MLXIP: variants seen among roughly 807,000 people sequenced by gnomAD.
The protein encoded by MLXIP is MLX-interacting protein.
In MLXIP, 30 loss-of-function variants were observed where a neutral mutation model predicts 87.2. The observed-to-expected ratio is 0.34, with a 90% CI of 0.26 to 0.47. The LOEUF is 0.47. Ranked by LOEUF, MLXIP falls within the 20% of genes least tolerant of loss-of-function variation. MLXIP has a pLI of 1.00. For missense variants in MLXIP, 1,002 were observed against 1,240.1 expected, an observed-to-expected ratio of 0.81 and a Z score of 2.88; for synonymous variants, 530 against 514.0, an observed-to-expected ratio of 1.03 and a Z score of -0.42.
chr12:122,084,178 G>A (rs1454350027), intron 1 of MLXIP, among the ~76,000 whole-genome samples: 2 of 148,762 alleles, frequency 1.3e-5, no homozygotes, highest in South Asian at 2.1e-4. Context: ...GTGTGTGTGT[G>A]TGTGTGTGTG....
rs1463494454 is a variant in MLXIP at position 122,146,666 on chromosome 12, C to T, written c.*4854C>T. 2 of 152,122 alleles carry T rather than the reference C, an allele frequency of 1.3e-5. No individual in the cohort carries two copies. The highest frequency in any genetic ancestry group is 1.3e-4 in the Admixed American group (2 of 15,264). 9.4% of individuals were successfully genotyped at this position (152,122 alleles called of 1,614,324 possible). A position where few individuals can be genotyped will look rare whatever the true frequency, so the allele number is the denominator to read the frequency against. ...CACGCGCGCGTGTGCGTGTTGACTTCATGGAATTTTGTTTTGTGAAATTCC... is the reference window on the plus strand; with the variant it reads ...CACGCGCGCGTGTGCGTGTTGACTTTATGGAATTTTGTTTTGTGAAATTCC... On this transcript the variant is annotated 3_prime_UTR_variant, in exon 17 of 17. Coordinates refer to ENST00000319080, the MANE Select transcript of MLXIP (RefSeq NM_014938.6).
At chr12:122,104,073 GT>G (rs1952482073) in intron 1 of MLXIP, among the ~76,000 whole-genome samples, 1 of 152,196 alleles carries the variant, frequency 6.6e-6, no homozygotes, top group Admixed American at 6.5e-5. Context: ...AGTCCCACTA[GT>G]GTTATTTAAG....
intron 1 of MLXIP, among the ~76,000 whole-genome samples, chr12:122,097,811 GTC>G (rs2135920761): frequency 6.6e-6 from 1 of 151,456 alleles, no homozygotes; most frequent in East Asian, 2.0e-4. Flanking sequence ...TATTGGGCCA[GTC>G]TCTGTTTCCC....
intron 1 of MLXIP, among the ~76,000 whole-genome samples, chr12:122,092,690 T>C (rs1037268695): frequency 5.3e-4 from 80 of 152,168 alleles, no homozygotes; most frequent in Non-Finnish European, 8.8e-4. Flanking sequence ...ACCACCATAC[T>C]TGACTAAGGT....
At chr12:122,104,482 A>C (rs904383788) in intron 1 of MLXIP, among the ~76,000 whole-genome samples, 1 of 151,708 alleles carries the variant, frequency 6.6e-6, no homozygotes, top group Non-Finnish European at 1.5e-5. Flanking sequence ...TGTCGTATAG[A>C]TATAGCAGTG....
intron 7 of MLXIP, 55 bp downstream of exon 7, chr12:122,130,988 C>A: frequency 8.6e-7 from 1 of 1,160,082 alleles, no homozygotes; most frequent in Non-Finnish European, 1.3e-6. Flanking sequence ...CAGCCCAGCA[C>A]AGAGCAGATC....
rs544820231 is a variant in MLXIP, at chr12:122,135,422, G to A, written c.1855-67G>A. ...CTGATCTTGGGCGGCCCTCACCTGA[G>A]ACGACTGGTGTGCCGCCCTGCTGTA... On this transcript the variant is annotated intron_variant, in intron 10 of 16. Coordinates refer to ENST00000319080, the MANE Select transcript of MLXIP (RefSeq NM_014938.6). This position sits in a 1 kb window ranked among gnomAD's most constrained non-coding sequence, Gnocchi z 5.3. The A allele has an allele frequency of 6.2e-7, 1 of 1,602,302 alleles. No homozygotes were observed. Among genetic ancestry groups the A allele is most frequent in the Non-Finnish European group, 8.5e-7 (1 of 1,174,016 alleles).
At position 122,147,205 on chromosome 12, in the gene MLXIP, T is replaced by C. The variant is rs709284; in HGVS notation, c.*5393T>C. ...TGGTTTGGCCAGAGGCCCCCTCCGG[T>C]CCACGTCACCCTGAGTACACCCCTC... On this transcript the variant is annotated 3_prime_UTR_variant, in exon 17 of 17. Coordinates refer to ENST00000319080, the MANE Select transcript of MLXIP (RefSeq NM_014938.6). 70,471 of 151,958 alleles carry C rather than the reference T, an allele frequency of 0.46. 16,985 individuals carry two copies. Among genetic ancestry groups the C allele is most frequent in the African/African-American group, 0.59 (24,519 of 41,400 alleles). The allele number at this position is 151,958 out of a possible 1,614,324, so 9.4% of individuals were successfully genotyped here.
At position 122,110,684 on chromosome 12, in the gene MLXIP, T is replaced by A. The variant is rs189943027; in HGVS notation, c.414-16572T>A. Among the ~76,000 whole-genome samples, 608 of 151,600 alleles carry A rather than the reference T, an allele frequency of 4.0e-3. 2 individuals are homozygous for A. The highest frequency in any genetic ancestry group is 6.9e-3 in the Non-Finnish European group (469 of 67,900). ...TTCTTGGGAGGCTGAGGTGGGAGGA[T>A]CACATGAACCCAGTAGTTCAAGGCT... On this transcript the variant is annotated intron_variant, in intron 1 of 16. Coordinates refer to ENST00000319080, the MANE Select transcript of MLXIP (RefSeq NM_014938.6).
At chr12:122,134,983 T>C (rs1032980706) in intron 9 of MLXIP, 5 of 369,552 alleles carry the variant, frequency 1.4e-5, no homozygotes, top group South Asian at 2.2e-5. Flanking sequence ...CTCTCTATCT[T>C]TTTTTTAAAG....
chr12:122,081,991 C>G (rs1952098291), intron 1 of MLXIP, among the ~76,000 whole-genome samples: 1 of 152,316 alleles, frequency 6.6e-6, no homozygotes, highest in African/African-American at 2.4e-5. Context: ...AGATGAGGTT[C>G]AACAGCTCTC....
Position 122,146,110 on chromosome 12 carries a change from G to A in MLXIP, c.*4298G>A, listed in dbSNP as rs1404887117. ...CCTTGGGGAAGGGAAAGGAGGGCTGGACAGCACTGATCCGGGCAGGCAGCG... is the reference window on the plus strand; with the variant it reads ...CCTTGGGGAAGGGAAAGGAGGGCTGAACAGCACTGATCCGGGCAGGCAGCG... On this transcript the variant is annotated 3_prime_UTR_variant, in exon 17 of 17. Coordinates refer to ENST00000319080, the MANE Select transcript of MLXIP (RefSeq NM_014938.6). 1 of 152,434 alleles carries A rather than the reference G, an allele frequency of 6.6e-6. No individual in the cohort carries two copies. The highest frequency in any genetic ancestry group is 6.5e-5 in the Admixed American group (1 of 15,280). The allele number at this position is 152,434 out of a possible 1,614,324, so 9.4% of individuals were successfully genotyped here. A position where few individuals can be genotyped will look rare whatever the true frequency, so the allele number is the denominator to read the frequency against.
At chr12:122,140,870 A>C in intron 15 of MLXIP, 84 bp from the exon 16 acceptor site, 1 of 1,601,096 alleles carries the variant, frequency 6.2e-7, no homozygotes, top group Non-Finnish European at 8.6e-7. Context: ...CCCAGGGGAA[A>C]GGAGTACGCC....
intron 6 of MLXIP, 160 bp from the exon 7 acceptor site, chr12:122,130,684 C>T (rs1048005249): frequency 6.1e-4 from 95 of 156,150 alleles, no homozygotes; most frequent in Non-Finnish European, 6.5e-4. Context: ...TTTGAGGGTG[C>T]GGAATGGCCA....
intron 1 of MLXIP, among the ~76,000 whole-genome samples, chr12:122,113,681 CT>C (rs1173711241): frequency 0.15 from 15,241 of 99,662 alleles, 330 homozygotes; most frequent in East Asian, 0.25. Flanking sequence ...GCCTTCATTT[CT>C]TTTTTTTTTT....
rs752826965 is a variant in MLXIP at position 122,112,110 on chromosome 12, A to G, written c.414-15146A>G. ...AGTATAGCACAGAGTTGTGGTGATT[A>G]AATTAGTGTGATGGCAGCACAGGAT... On this transcript the variant is annotated intron_variant, in intron 1 of 16. Transcript: ENST00000319080. 2.0e-5 allele frequency among the ~76,000 whole-genome samples: 3 copies of G among 152,346 alleles called. No homozygotes were observed. In the East Asian group the frequency reaches 5.8e-4, roughly 29 times the overall value.
intron 1 of MLXIP, 56 bp downstream of exon 1, chr12:122,079,322 C>T (rs1327405452): frequency 2.0e-6 from 3 of 1,500,346 alleles, no homozygotes; most frequent in African/African-American, 2.8e-5. Context: ...TTTGACAAAA[C>T]AAGCGTGGAG....
At chr12:122,129,855 C>T (rs1786572281) in intron 5 of MLXIP, 86 bp from the exon 6 acceptor site, 23 of 1,518,888 alleles carry the variant, frequency 1.5e-5, no homozygotes, top group East Asian at 6.9e-5. Flanking sequence ...ACCCCTTTGA[C>T]GAATTTCCCC....
chr12:122,138,394 G>A, intron 13 of MLXIP, 30 bp from the exon 14 acceptor site: 1 of 1,611,090 alleles, frequency 6.2e-7, no homozygotes. Flanking sequence ...GGCTGTGGGT[G>A]CTGCCTCCAG....
Sources: allele counts gnomAD v4.1 joint callset (sites outside exome capture counted in the v4.1 genomes callset), GRCh38; gene constraint gnomAD v4.1.1; non-coding constraint Gnocchi (gnomAD v3.1); transcripts MANE v1.5; gene names NCBI Gene and HGNC (gene_info 2026-07-23, HGNC 2026-07-21).